The following ADK variants were observed in gnomAD, a reference collection of about 807,000 sequenced individuals.
The protein encoded by ADK is N6,N6-dimethyladenosine kinase.
A neutral mutation model predicts 44.7 loss-of-function variants in ADK; 24 were observed. The ratio of observed to expected loss-of-function variants is 0.54; its 90% CI spans 0.39 to 0.76. The LOEUF is 0.76. Among genes scored for constraint, ADK ranks in the 30% least tolerant of loss-of-function variants. ADK has a pLI of 0.00. For synonymous variants in ADK, 128 were observed against 142.6 expected, an observed-to-expected ratio of 0.90 and a Z score of 0.73; for missense variants, 321 against 425.1, an observed-to-expected ratio of 0.76 and a Z score of 2.15.
chr10:74,627,165 G>T (rs1853235702), intron 9 of ADK, among the ~76,000 whole-genome samples: 1 of 151,834 alleles, frequency 6.6e-6, no homozygotes, highest in Non-Finnish European at 1.5e-5. Flanking sequence ...TCACTACTTT[G>T]AGAATTTGGC....
chr10:74,606,116 A>G (rs986892965), intron 9 of ADK, among the ~76,000 whole-genome samples: 4 of 151,838 alleles, frequency 2.6e-5, no homozygotes, highest in Non-Finnish European at 2.9e-5. Flanking sequence ...TATTGTGTCT[A>G]TTTGATTCTT....
At chr10:74,602,083 T>C (rs1489472844) in intron 9 of ADK, among the ~76,000 whole-genome samples, 1 of 117,412 alleles carries the variant, frequency 8.5e-6, no homozygotes, top group Non-Finnish European at 1.6e-5. Context: ...CCAGCATGGA[T>C]GACAGACCAA....
At chr10:74,425,183 G>A (rs1169748558) in intron 6 of ADK, among the ~76,000 whole-genome samples, 6 of 152,152 alleles carry the variant, frequency 3.9e-5, no homozygotes, top group Non-Finnish European at 1.5e-5. Context: ...AATAAATGTT[G>A]GGCTTAAAGT....
chr10:74,220,298 C>T (rs1444992129), intron 2 of ADK, among the ~76,000 whole-genome samples: 1 of 152,212 alleles, frequency 6.6e-6, no homozygotes, highest in African/African-American at 2.4e-5. Flanking sequence ...TTGATACATA[C>T]ACCCTCCCAA....
intron 1 of ADK, chr10:74,176,701 C>T (rs866114917): frequency 2.5e-5 from 36 of 1,465,018 alleles, no homozygotes; most frequent in Middle Eastern, 2.4e-4. Flanking sequence ...TCCCTCCAAT[C>T]AGCACGCCGG....
intron 4 of ADK, among the ~76,000 whole-genome samples, chr10:74,345,048 G>A (rs1027587829): frequency 6.6e-6 from 1 of 152,178 alleles, no homozygotes; most frequent in Non-Finnish European, 1.5e-5. Context: ...TTCTTTAAAC[G>A]TTCATTAGAA....
At chr10:74,284,084 G>A (rs955983334) in intron 3 of ADK, among the ~76,000 whole-genome samples, 4 of 152,134 alleles carry the variant, frequency 2.6e-5, no homozygotes, top group Admixed American at 1.3e-4. Flanking sequence ...TCAGCCTTCT[G>A]AGTAGTTGGC....
intron 5 of ADK, among the ~76,000 whole-genome samples, chr10:74,397,823 A>C (rs1191210326): frequency 6.6e-6 from 1 of 152,194 alleles, no homozygotes; most frequent in African/African-American, 2.4e-5. Context: ...TTCAGCTTTG[A>C]GCTACTGCAC....
At chr10:74,670,396 T>A in intron 10 of ADK, 127 bp downstream of exon 10, 1 of 738,390 alleles carries the variant, frequency 1.4e-6, no homozygotes, top group Non-Finnish European at 2.3e-6. Context: ...ACTTCTGAAG[T>A]TCTTTCCATA....
chr10:74,611,582 C>T (rs887105030), intron 9 of ADK, among the ~76,000 whole-genome samples: 1 of 149,374 alleles, frequency 6.7e-6, no homozygotes, highest in African/African-American at 2.5e-5. Context: ...GGGGTTTGGG[C>T]TTCTATTGAA....
intron 9 of ADK, among the ~76,000 whole-genome samples, chr10:74,649,350 G>GCA (rs1372390558): frequency 6.6e-6 from 1 of 152,120 alleles, no homozygotes; most frequent in African/African-American, 2.4e-5. Flanking sequence ...TGTCAGCCGG[G>GCA]CACAGTGTCT....
chr10:74,510,456 A>G lies in ADK; in HGVS notation c.556-14800A>G, dbSNP rs561401287. On this transcript the variant is annotated intron_variant, in intron 6 of 10. Transcript: ENST00000539909. ...AGTTCCTTGTATATTCTTAGTATTAATCCCCTATCTGATGTTATGAATAGT... is the reference window on the plus strand; with the variant it reads ...AGTTCCTTGTATATTCTTAGTATTAGTCCCCTATCTGATGTTATGAATAGT... 2.0e-5 allele frequency among the ~76,000 whole-genome samples: 3 copies of G among 152,196 alleles called. No individual in the cohort carries two copies. In the South Asian group the frequency reaches 6.2e-4, roughly 32 times the overall value.
Position 74,502,977 on chromosome 10 carries a change from A to G in ADK, c.556-22279A>G, listed in dbSNP as rs569441561. ...GTTACTAAGAGGAAGCTACACTCTC[A>G]TTACCACACTAAATGGATTTTCTAT... On this transcript the variant is annotated intron_variant, in intron 6 of 10. Transcript: ENST00000539909. 2.2e-3 allele frequency among the ~76,000 whole-genome samples: 328 copies of G among 152,292 alleles called. 1 individual carries two copies. The highest frequency in any genetic ancestry group is 3.4e-3 in the Middle Eastern group (1 of 294).
At chr10:74,237,863 C>T (rs1257834690) in intron 3 of ADK, among the ~76,000 whole-genome samples, 1 of 152,112 alleles carries the variant, frequency 6.6e-6, no homozygotes, top group Non-Finnish European at 1.5e-5. Context: ...CTTTGGGAGA[C>T]TGAGGCAGGC....
intron 3 of ADK, among the ~76,000 whole-genome samples, chr10:74,301,666 T>G (rs933583629): frequency 2.0e-5 from 3 of 152,114 alleles, no homozygotes; most frequent in Admixed American, 6.6e-5. Flanking sequence ...AAGTTTTTTG[T>G]TTTATAAGTA....
chr10:74,631,946 C>CT (rs1183503666), intron 9 of ADK, among the ~76,000 whole-genome samples: 5 of 151,406 alleles, frequency 3.3e-5, no homozygotes, highest in African/African-American at 7.3e-5. Flanking sequence ...TGTATTTCTT[C>CT]TTTTTTTTTC....
intron 10 of ADK, among the ~76,000 whole-genome samples, chr10:74,691,417 A>G (rs565277551): frequency 7.2e-5 from 11 of 152,348 alleles, no homozygotes; most frequent in South Asian, 2.1e-4. Flanking sequence ...CTAAATAACT[A>G]TGTAATTAGC....
chr10:74,606,743 T>TA (rs1485462093), intron 9 of ADK, among the ~76,000 whole-genome samples: 1 of 152,222 alleles, frequency 6.6e-6, no homozygotes, highest in Non-Finnish European at 1.5e-5. Flanking sequence ...TGTAGATGTC[T>TA]ATTAGGTCTG....
chr10:74,229,357 G>T (rs185129925), intron 3 of ADK, among the ~76,000 whole-genome samples: 14 of 147,882 alleles, frequency 9.5e-5, no homozygotes, highest in African/African-American at 3.5e-4. Context: ...GTAGGGATAT[G>T]TCAGGGAAGT....
Sources: gnomAD v4.1 joint callset for allele counts (sites outside exome capture counted in the v4.1 genomes callset) on GRCh38, gnomAD v4.1.1 for gene constraint, MANE v1.5 for transcripts, NCBI Gene and HGNC (gene_info 2026-07-23, HGNC 2026-07-21) for gene names.